Variants in WWOX observed in about 807,000 individuals in gnomAD.
WWOX encodes the protein WW domain-containing oxidoreductase.
In WWOX, 69 loss-of-function variants were observed where a neutral mutation model predicts 46.2. That is an observed-to-expected ratio of 1.49 (90% CI 1.23 to 1.82). WWOX has a LOEUF of 1.82. Ranked by LOEUF, WWOX falls within the 40% of genes most tolerant of loss-of-function variation. The pLI is 0.00. For missense variants in WWOX, 919 were observed against 542.6 expected (o/e 1.69, Z -6.89); for synonymous variants, 359 against 202.6 (o/e 1.77, Z -6.56).
At chr16:78,372,130 G>A (rs531964197) in intron 5 of WWOX, among the ~76,000 whole-genome samples, 1 of 152,264 alleles carries the variant, frequency 6.6e-6, no homozygotes, top group African/African-American at 2.4e-5. Flanking sequence ...TAAGGCACAG[G>A]GATTTTTGTG....
At chr16:79,069,324 G>C (rs933868873) in intron 8 of WWOX, among the ~76,000 whole-genome samples, 1 of 152,302 alleles carries the variant, frequency 6.6e-6, no homozygotes, top group Admixed American at 6.5e-5. Context: ...TCACCACCAA[G>C]CCAACATGAG....
intron 5 of WWOX, among the ~76,000 whole-genome samples, chr16:78,176,340 A>T (rs566387256): frequency 4.6e-5 from 7 of 152,284 alleles, no homozygotes; most frequent in African/African-American, 1.7e-4. Flanking sequence ...CTTGGGATGC[A>T]CTTGGTAAGG....
chr16:79,012,822 C>G (rs905123387), intron 8 of WWOX, among the ~76,000 whole-genome samples: 3 of 152,220 alleles, frequency 2.0e-5, no homozygotes, highest in Admixed American at 6.5e-5. Flanking sequence ...CCTTTGACTC[C>G]TGCCCCACCA....
intron 8 of WWOX, among the ~76,000 whole-genome samples, chr16:78,531,931 TC>T (rs1297800624): frequency 6.6e-6 from 1 of 152,136 alleles, no homozygotes; most frequent in Non-Finnish European, 1.5e-5. Context: ...AGTCTCTTTC[TC>T]CCTTTCCCAC....
chr16:78,953,967 C>T (rs1231759275), intron 8 of WWOX, among the ~76,000 whole-genome samples: 1 of 152,214 alleles, frequency 6.6e-6, no homozygotes, highest in Non-Finnish European at 1.5e-5. Context: ...AGTCCCTGTG[C>T]AAGATGCTGC....
intron 8 of WWOX, among the ~76,000 whole-genome samples, chr16:78,530,140 A>T (rs561370154): frequency 1.6e-3 from 239 of 152,120 alleles, no homozygotes; most frequent in African/African-American, 5.4e-3. Flanking sequence ...GCAGGAATGA[A>T]CTCTGTACTG....
intron 8 of WWOX, among the ~76,000 whole-genome samples, chr16:78,542,262 T>C (rs1477953648): frequency 6.6e-6 from 1 of 152,078 alleles, no homozygotes; most frequent in African/African-American, 2.4e-5. Flanking sequence ...TGGTGCCATT[T>C]TCCTGACTGT....
intron 8 of WWOX, among the ~76,000 whole-genome samples, chr16:78,901,645 G>A (rs1375187244): frequency 1.3e-5 from 2 of 152,106 alleles, no homozygotes; most frequent in African/African-American, 2.4e-5. Context: ...GGGCCACCAC[G>A]CTGGGTTAGT....
intron 8 of WWOX, among the ~76,000 whole-genome samples, chr16:78,838,294 C>G (rs987276392): frequency 6.6e-6 from 1 of 152,018 alleles, no homozygotes; most frequent in Non-Finnish European, 1.5e-5. Flanking sequence ...TGGGCCATGG[C>G]GTTGCAGAGT....
At chr16:78,775,972 C>T (rs1597590556) in intron 8 of WWOX, among the ~76,000 whole-genome samples, 1 of 152,198 alleles carries the variant, frequency 6.6e-6, no homozygotes, top group East Asian at 1.9e-4. Flanking sequence ...TGATGACTGA[C>T]ACTTACTAGG....
At chr16:78,919,559 G>T (rs1430570677) in intron 8 of WWOX, among the ~76,000 whole-genome samples, 1 of 124,142 alleles carries the variant, frequency 8.1e-6, no homozygotes, top group Non-Finnish European at 1.6e-5. Context: ...TGCTCTGTCT[G>T]CCAGATGGAG....
At chr16:78,883,255 A>C (rs933368747) in intron 8 of WWOX, among the ~76,000 whole-genome samples, 1 of 152,156 alleles carries the variant, frequency 6.6e-6, no homozygotes, top group Non-Finnish European at 1.5e-5. Context: ...CAAGCTCCTG[A>C]ACCCATCTGG....
intron 8 of WWOX, among the ~76,000 whole-genome samples, chr16:79,018,321 C>G (rs1390404981): frequency 6.6e-6 from 1 of 152,118 alleles, no homozygotes; most frequent in Non-Finnish European, 1.5e-5. Flanking sequence ...TAATTAAATA[C>G]CTACTCATGC....
intron 5 of WWOX, among the ~76,000 whole-genome samples, chr16:78,287,620 G>C (rs571594878): frequency 6.6e-6 from 1 of 152,078 alleles, no homozygotes; most frequent in South Asian, 2.1e-4. Flanking sequence ...AGTGTGCTCT[G>C]TTTTCTGATG....
intron 5 of WWOX, among the ~76,000 whole-genome samples, chr16:78,334,758 A>C (rs71386270): frequency 6.6e-6 from 1 of 151,290 alleles, no homozygotes; most frequent in Admixed American, 6.6e-5. Context: ...AAAGAATTAA[A>C]ACCACCCACC....
Position 78,375,089 on chromosome 16 carries a change from A to C in WWOX, c.517-11771A>C, listed in dbSNP as rs375926012. Among the ~76,000 whole-genome samples, 16 of 152,344 alleles carry C rather than the reference A, an allele frequency of 1.1e-4. No individual in the cohort carries two copies. In the Middle Eastern group the frequency reaches 0.01, roughly 97 times the overall value. ...TTATTTTTTTCCGAAGCACATTTAA[A>C]AATATTTTCCAGTTTATCTATTAAA... On this transcript the variant is annotated intron_variant, in intron 5 of 8. Coordinates refer to ENST00000566780, the MANE Select transcript of WWOX (RefSeq NM_016373.4).
At chr16:78,670,209 G>GGAGTTTA (rs2047427186) in intron 8 of WWOX, among the ~76,000 whole-genome samples, 1 of 152,120 alleles carries the variant, frequency 6.6e-6, no homozygotes, top group Admixed American at 6.5e-5. Flanking sequence ...AACCACAGCT[G>GGAGTTTA]GAGTTTAGGA....
At chr16:78,211,448 T>A (rs75118788) in intron 5 of WWOX, among the ~76,000 whole-genome samples, 1 of 152,140 alleles carries the variant, frequency 6.6e-6, no homozygotes, top group Non-Finnish European at 1.5e-5. Flanking sequence ...GAGGTGACCT[T>A]TGAGCTGAGT....
chr16:78,736,622 G>T (rs991980010), intron 8 of WWOX, among the ~76,000 whole-genome samples: 3 of 151,592 alleles, frequency 2.0e-5, no homozygotes, highest in African/African-American at 4.9e-5. Context: ...TACTGAGATA[G>T]GATCTGTCTC....
Sources: gnomAD v4.1 joint callset for allele counts (sites outside exome capture counted in the v4.1 genomes callset) on GRCh38, gnomAD v4.1.1 for gene constraint, MANE v1.5 for transcripts, NCBI Gene and HGNC (gene_info 2026-07-23, HGNC 2026-07-21) for gene names.